CEP85L: variants seen among roughly 807,000 people sequenced by gnomAD.
The protein encoded by CEP85L is centrosomal protein of 85 kDa-like.
CEP85L carries 60 observed loss-of-function variants against 100.3 expected under a neutral mutation model. That is an observed-to-expected ratio of 0.60 (90% CI 0.49 to 0.74). The LOEUF is 0.74. CEP85L is among the 30% of genes least tolerant of loss of function. CEP85L has a pLI of 0.00. For synonymous variants in CEP85L, 319 were observed against 322.7 expected (o/e 0.99, Z 0.12); for missense variants, 973 against 936.2 (o/e 1.04, Z -0.51).
intron 2 of CEP85L, among the ~76,000 whole-genome samples, chr6:118,619,933 C>G (rs140822319): frequency 1.8e-4 from 28 of 152,304 alleles, no homozygotes; most frequent in South Asian, 4.1e-4. Context: ...AATTCCCCCA[C>G]AGGGCAACAG....
chr6:118,621,137 A>G (rs79910558), intron 2 of CEP85L, among the ~76,000 whole-genome samples: 1,999 of 152,246 alleles, frequency 0.013, 61 homozygotes, highest in African/African-American at 0.046. Flanking sequence ...GGACCAGAGG[A>G]TATTATTAGG....
chr6:118,535,586 T>C (rs769923453), intron 3 of CEP85L, among the ~76,000 whole-genome samples: 14 of 152,320 alleles, frequency 9.2e-5, no homozygotes, highest in Middle Eastern at 3.4e-3. Flanking sequence ...TTCTAAGTAG[T>C]GTGATGAAAT....
chr6:118,620,644 C>T (rs1773376368), intron 2 of CEP85L, among the ~76,000 whole-genome samples: 1 of 152,200 alleles, frequency 6.6e-6, no homozygotes, highest in South Asian at 2.1e-4. Context: ...GGGCAAGCGC[C>T]AGCTCATATC....
intron 3 of CEP85L, among the ~76,000 whole-genome samples, chr6:118,534,495 A>C (rs1777473135): frequency 6.6e-6 from 1 of 151,938 alleles, no homozygotes; most frequent in Admixed American, 6.6e-5. Context: ...TCTACTAAAA[A>C]TACAGAAATT....
Position 118,687,750 on chromosome 6 carries a change from C to T in CEP85L, c.-28+22286G>A, listed in dbSNP as rs1272524052. ...TTACAGCTCGAGCTGAGCTTTTGCT[C>T]GCCGTCCACCACTGCTGTTTGCCGC... On this transcript the variant is annotated intron_variant, in intron 1 of 13. Transcript: ENST00000368488. Among the ~76,000 whole-genome samples the T allele has an allele frequency of 2.6e-5, 4 of 152,134 alleles. No homozygotes were observed. The East Asian group carries it at 5.8e-4, about 22-fold the overall frequency.
At chr6:118,634,940 T>C (rs781773727) in intron 1 of CEP85L, among the ~76,000 whole-genome samples, 39 of 152,022 alleles carry the variant, frequency 2.6e-4, no homozygotes, top group Non-Finnish European at 5.0e-4. Context: ...TCACTAATGG[T>C]GGGAGAAGTG....
intron 3 of CEP85L, chr6:118,537,423 T>C: frequency 1.3e-6 from 1 of 747,032 alleles, no homozygotes; most frequent in Middle Eastern, 6.7e-4. Context: ...CATTTAGATG[T>C]TTTACCTAAA....
intron 3 of CEP85L, among the ~76,000 whole-genome samples, chr6:118,548,858 A>G (rs1778365252): frequency 6.6e-6 from 1 of 152,046 alleles, no homozygotes; most frequent in Non-Finnish European, 1.5e-5. Context: ...CAACATGCAC[A>G]TTATCAGCAT....
chr6:118,477,784 T>C (rs1773493286), intron 10 of CEP85L, among the ~76,000 whole-genome samples: 1 of 152,124 alleles, frequency 6.6e-6, no homozygotes, highest in South Asian at 2.1e-4. Context: ...AGAAAGAATA[T>C]CCCAACTATA....
At chr6:118,700,215 C>T (rs1009251383) in intron 1 of CEP85L, among the ~76,000 whole-genome samples, 9 of 152,240 alleles carry the variant, frequency 5.9e-5, no homozygotes, top group African/African-American at 1.9e-4. Flanking sequence ...GCATTTCTTC[C>T]TCCTTCTAGA....
chr6:118,469,027 G>A (rs1313401519), intron 12 of CEP85L, 45 bp downstream of exon 12: 8 of 1,316,286 alleles, frequency 6.1e-6, no homozygotes, highest in Non-Finnish European at 8.8e-6. Context: ...CATGAAGATA[G>A]GTTTCTAATT....
Position 118,491,826 on chromosome 6 carries a change from C to T in CEP85L, c.1297G>A (p.Glu433Lys), listed in dbSNP as rs1366688454. 6.2e-7 allele frequency: 1 copy of T among 1,612,294 alleles called. No individual in the cohort carries two copies. Among genetic ancestry groups the T allele is most frequent in the South Asian group, 1.1e-5 (1 of 90,612 alleles). Residue 433 changes from glutamate to lysine, a missense_variant, in exon 6 of 13, where the codon GAG (glutamate) becomes AAG (lysine). Physicochemically the swap from Glu to Lys is moderately conservative, Grantham distance 56. Coordinates refer to ENST00000368491, the MANE Select transcript of CEP85L (RefSeq NM_001042475.3). ...TGTTGGGAATGGGAAACTGATTCCT[C>T]TGAAAATGGTGTCTGGAGTGAAGTG... ...ENTSLQTPFS[E>K]ESVSHSQQGE... is the part of the protein sequence containing the mutation.
intron 2 of CEP85L, among the ~76,000 whole-genome samples, chr6:118,587,324 C>G (rs188706600): frequency 5.6e-4 from 85 of 152,308 alleles, no homozygotes; most frequent in African/African-American, 2.0e-3. Context: ...AGATAAGCTT[C>G]ACACCCTCAG....
chr6:118,690,505 G>A (rs1039308054), intron 1 of CEP85L, among the ~76,000 whole-genome samples: 5 of 119,050 alleles, frequency 4.2e-5, no homozygotes, highest in African/African-American at 6.4e-5. Flanking sequence ...CTCAATCACC[G>A]CACTCCACCA....
chr6:118,629,324 C>T (rs531608672), intron 2 of CEP85L, among the ~76,000 whole-genome samples: 127 of 152,262 alleles, frequency 8.3e-4, no homozygotes, highest in African/African-American at 3.0e-3. Context: ...GAACTCTAAA[C>T]TCAACAATAA....
chr6:118,558,110 C>G (rs975139617), intron 3 of CEP85L, among the ~76,000 whole-genome samples: 1 of 152,090 alleles, frequency 6.6e-6, no homozygotes, highest in Non-Finnish European at 1.5e-5. Context: ...TGCCACCAGC[C>G]TAGCTAATTT....
At chr6:118,524,647 T>C (rs755327540) in intron 3 of CEP85L, among the ~76,000 whole-genome samples, 4 of 152,238 alleles carry the variant, frequency 2.6e-5, no homozygotes, top group Admixed American at 6.5e-5. Context: ...AGACTTCAAG[T>C]TGACATGCAT....
chr6:118,505,941 A>G (rs1376464606), intron 5 of CEP85L, among the ~76,000 whole-genome samples: 1 of 152,216 alleles, frequency 6.6e-6, no homozygotes, highest in Non-Finnish European at 1.5e-5. Context: ...AATGTACCCT[A>G]AGGTACAAAA....
chr6:118,547,960 A>G (rs1778304960), intron 3 of CEP85L, among the ~76,000 whole-genome samples: 1 of 152,124 alleles, frequency 6.6e-6, no homozygotes, highest in South Asian at 2.1e-4. Context: ...CTCATAATTA[A>G]AATTCCTGCA....
Sources: allele counts gnomAD v4.1 joint callset (sites outside exome capture counted in the v4.1 genomes callset), GRCh38; gene constraint gnomAD v4.1.1; transcripts MANE v1.5; gene names NCBI Gene and HGNC (gene_info 2026-07-23, HGNC 2026-07-21).